The following SMAD7 variants were observed in gnomAD, a reference collection of about 807,000 sequenced individuals.
SMAD7 encodes SMAD family member 7, also known as MAD (mothers against decapentaplegic, Drosophila) homolog 7.
A neutral mutation model predicts 38.7 loss-of-function variants in SMAD7; 8 were observed. That is an observed-to-expected ratio of 0.21 (90% confidence interval 0.12 to 0.37). SMAD7 has a LOEUF of 0.37. Among genes scored for constraint, SMAD7 ranks in the 10% least tolerant of loss-of-function variants. The pLI is 1.00. For synonymous variants in SMAD7, 327 were observed against 265.1 expected, an observed-to-expected ratio of 1.23 and a Z score of -2.27; for missense variants, 477 against 577.9, an observed-to-expected ratio of 0.83 and a Z score of 1.79.
rs1410578101 is a variant in SMAD7 at position 48,920,617 on chromosome 18, C to T, written c.*755G>A. The T allele has an allele frequency of 5.2e-5, 8 of 152,512 alleles. No homozygotes were observed. Among genetic ancestry groups the T allele is most frequent in the Admixed American group, 5.2e-4 (8 of 15,292 alleles). The allele number at this position is 152,512 out of a possible 1,614,324, so 9.4% of individuals were successfully genotyped here. A position where few individuals can be genotyped will look rare whatever the true frequency, so the allele number is the denominator to read the frequency against. ...CCGGCAGCCCTTGGGAAGCCCATCT[C>T]AGGGAGATCCAGGAGCAGATGGCCA... On this transcript the variant is annotated 3_prime_UTR_variant, in exon 4 of 4. Coordinates refer to ENST00000262158, the MANE Select transcript of SMAD7 (RefSeq NM_005904.4).
At chr18:48,935,135 T>C (rs2143788953) in intron 3 of SMAD7, among the ~76,000 whole-genome samples, 1 of 151,750 alleles carries the variant, frequency 6.6e-6, no homozygotes, top group South Asian at 2.1e-4. Flanking sequence ...GAAGCCCACA[T>C]CTCCCAGGTG....
intron 3 of SMAD7, among the ~76,000 whole-genome samples, chr18:48,923,596 C>T (rs561983268): frequency 3.3e-5 from 5 of 152,282 alleles, no homozygotes; most frequent in East Asian, 1.9e-4. Context: ...CCCAGAGCAG[C>T]GGTTCCCTAC....
chr18:48,935,949 C>A (rs1003271375), intron 3 of SMAD7, among the ~76,000 whole-genome samples: 2 of 152,082 alleles, frequency 1.3e-5, no homozygotes, highest in Non-Finnish European at 2.9e-5. Context: ...GTGTGGCACG[C>A]CTGTAATCCC....
intron 3 of SMAD7, among the ~76,000 whole-genome samples, chr18:48,929,516 T>TTC (rs141923602): frequency 5.9e-4 from 85 of 144,392 alleles, no homozygotes; most frequent in East Asian, 1.8e-3. Flanking sequence ...TGCTGATTCA[T>TTC]TCTCTCTCTC....
intron 3 of SMAD7, among the ~76,000 whole-genome samples, chr18:48,934,444 AC>A (rs973613070): frequency 1.0e-4 from 11 of 105,886 alleles, no homozygotes; most frequent in South Asian, 5.8e-4. Flanking sequence ...ATTCTTACGT[AC>A]CCCCCATCAA....
At chr18:48,925,639 A>G (rs189195600) in intron 3 of SMAD7, among the ~76,000 whole-genome samples, 2 of 152,266 alleles carry the variant, frequency 1.3e-5, no homozygotes, top group African/African-American at 4.8e-5. Flanking sequence ...CTTCCAGGAG[A>G]CCAGAGGCTC....
chr18:48,935,483 G>A (rs1052140802), intron 3 of SMAD7, among the ~76,000 whole-genome samples: 2 of 152,084 alleles, frequency 1.3e-5, no homozygotes, highest in Non-Finnish European at 1.5e-5. Context: ...AGTCACCTAC[G>A]GCCACTGCAG....
intron 2 of SMAD7, chr18:48,942,885 G>GA: frequency 1.2e-6 from 1 of 812,668 alleles, no homozygotes; most frequent in Non-Finnish European, 1.6e-6. Context: ...GGTTTGGGTT[G>GA]GACTTTCTCA....
At chr18:48,936,104 ACACACACACACAC>A (rs377517964) in intron 3 of SMAD7, among the ~76,000 whole-genome samples, 6,325 of 40,736 alleles carry the variant, frequency 0.16, 235 homozygotes, top group East Asian at 0.39. Flanking sequence ...ACACACACAC[ACACACACACACAC>A]CACACACACA....
chr18:48,930,662 G>A (rs1040391830), intron 3 of SMAD7, among the ~76,000 whole-genome samples: 1 of 151,922 alleles, frequency 6.6e-6, no homozygotes, highest in Non-Finnish European at 1.5e-5. Flanking sequence ...CCCAGGATTC[G>A]CCCTCAAGCC....
At chr18:48,922,338 C>A (rs922642108) in intron 3 of SMAD7, among the ~76,000 whole-genome samples, 1 of 152,148 alleles carries the variant, frequency 6.6e-6, no homozygotes, top group Non-Finnish European at 1.5e-5. Context: ...TCCTCCAGCC[C>A]CTTGTCATCC....
chr18:48,941,023 G>A (rs999217407), intron 3 of SMAD7, among the ~76,000 whole-genome samples: 3 of 152,100 alleles, frequency 2.0e-5, no homozygotes, highest in Admixed American at 1.3e-4. Context: ...GTGGTTTGGA[G>A]GGGCCGGGGC....
intron 3 of SMAD7, among the ~76,000 whole-genome samples, chr18:48,936,603 G>A (rs979172296): frequency 2.6e-5 from 4 of 152,198 alleles, no homozygotes; most frequent in African/African-American, 4.8e-5. Context: ...GCTGAATCCC[G>A]AGGGATTTTA....
chr18:48,926,107 G>A (rs372171463), intron 3 of SMAD7, among the ~76,000 whole-genome samples: 1 of 152,166 alleles, frequency 6.6e-6, no homozygotes, highest in Admixed American at 6.5e-5. Context: ...ATGGGAGGAG[G>A]GGGGAAAGGC....
intron 2 of SMAD7, among the ~76,000 whole-genome samples, chr18:48,947,689 G>A (rs762920406): frequency 2.6e-5 from 4 of 152,226 alleles, no homozygotes; most frequent in Non-Finnish European, 5.9e-5. Context: ...CCCCTGTGCT[G>A]CTGCCGGCCA....
intron 2 of SMAD7, among the ~76,000 whole-genome samples, chr18:48,943,931 A>G (rs545331008): frequency 6.6e-6 from 1 of 152,166 alleles, no homozygotes; most frequent in African/African-American, 2.4e-5. Flanking sequence ...GAACTCTCCT[A>G]AGCGGGCGAG....
At position 48,919,906 on chromosome 18, in the gene SMAD7, C is replaced by T. The variant is rs1291542509; in HGVS notation, c.*1466G>A. 2 of 152,570 alleles carry T rather than the reference C, an allele frequency of 1.3e-5. No individual in the cohort carries two copies. The highest frequency in any genetic ancestry group is 4.8e-5 in the African/African-American group (2 of 41,428). 9.5% of individuals were successfully genotyped at this position (152,570 alleles called of 1,614,324 possible). ...TGGAACATAAACTCCTTTAGAAAAACATTCAGCTAGGTGATAACACCCATA... is the reference window on the plus strand; with the variant it reads ...TGGAACATAAACTCCTTTAGAAAAATATTCAGCTAGGTGATAACACCCATA... On this transcript the variant is annotated 3_prime_UTR_variant, in exon 4 of 4. Coordinates refer to ENST00000262158, the MANE Select transcript of SMAD7 (RefSeq NM_005904.4).
intron 3 of SMAD7, among the ~76,000 whole-genome samples, chr18:48,932,106 G>A (rs2070009268): frequency 6.6e-6 from 1 of 152,178 alleles, no homozygotes; most frequent in Admixed American, 6.5e-5. Context: ...CTTGGTTACT[G>A]ATTCATGAGG....
chr18:48,949,908 C>T lies in SMAD7; in HGVS notation c.517G>A (p.Glu173Lys), dbSNP rs1013111934. The change falls in exon 1 of 4, where the codon GAA (glutamate) becomes AAA (lysine). Residue 173 changes from glutamate to lysine, a missense_variant. This residue lies in a region of SMAD7 where 376 missense variants were observed against 379.4 expected (regional missense o/e 0.99). Coordinates refer to ENST00000262158, the MANE Select transcript of SMAD7 (RefSeq NM_005904.4). Reference protein sequence around the residue: ...FRWPDLRHSSEVKRLCCCESY... With the variant: ...FRWPDLRHSSKVKRLCCCESY... ...TCACAGCAACACAGCCTCTTGACTT[C>T]CGAGGAATGCCTGAGATCCGGCCAC... is the stretch of plus-strand genomic sequence containing the variant. 6.2e-7 allele frequency: 1 copy of T among 1,613,768 alleles called. No individual in the cohort carries two copies. The highest frequency in any genetic ancestry group is 8.5e-7 in the Non-Finnish European group (1 of 1,179,924).
Sources: gnomAD v4.1 joint callset for allele counts (sites outside exome capture counted in the v4.1 genomes callset) on GRCh38, gnomAD v4.1.1 for gene constraint, gnomAD v4.1.1 regional missense constraint, MANE v1.5 for transcripts, NCBI Gene and HGNC (gene_info 2026-07-23, HGNC 2026-07-21) for gene names.